Variants in BMPR1A observed in about 807,000 individuals in gnomAD.
BMPR1A encodes the protein bone morphogenetic protein receptor type 1A.
A neutral mutation model predicts 66.0 loss-of-function variants in BMPR1A; 7 were observed. The ratio of observed to expected loss-of-function variants is 0.11; its 90% CI spans 0.06 to 0.20. The LOEUF (loss-of-function observed/expected upper bound fraction) is 0.20, where lower values mean the gene tolerates loss of function less well. BMPR1A is among the 10% of genes least tolerant of loss of function. The pLI, the probability that BMPR1A is intolerant of heterozygous loss-of-function variation, is 1.00. For synonymous variants in BMPR1A, 200 were observed against 229.7 expected (o/e 0.87, Z 1.17); for missense variants, 408 against 669.1 (o/e 0.61, Z 4.31).
intron 1 of BMPR1A, among the ~76,000 whole-genome samples, chr10:86,836,949 A>G (rs1259025502): frequency 6.6e-6 from 1 of 152,152 alleles, no homozygotes; most frequent in Non-Finnish European, 1.5e-5. Context: ...GAAAAAGAAG[A>G]AAAGGTTTTC....
intron 2 of BMPR1A, chr10:86,856,143 C>T: frequency 1.9e-6 from 1 of 524,950 alleles, no homozygotes; most frequent in South Asian, 1.4e-5. Flanking sequence ...ATATTTAATT[C>T]CCAGCTTCTT....
intron 3 of BMPR1A, among the ~76,000 whole-genome samples, chr10:86,883,702 A>G (rs915365487): frequency 6.6e-6 from 1 of 151,700 alleles, no homozygotes; most frequent in Admixed American, 6.6e-5. Context: ...CCCAGGAGGC[A>G]GAGGTTGCAG....
chr10:86,896,102 C>T (rs946823137), intron 5 of BMPR1A, among the ~76,000 whole-genome samples: 5 of 150,406 alleles, frequency 3.3e-5, no homozygotes, highest in African/African-American at 4.9e-5. Context: ...TGCAGTGAGC[C>T]GAGATAGCAC....
At chr10:86,905,491 C>G (rs1387938134) in intron 7 of BMPR1A, among the ~76,000 whole-genome samples, 1 of 152,178 alleles carries the variant, frequency 6.6e-6, no homozygotes, top group Non-Finnish European at 1.5e-5. Context: ...ATTACTTAAC[C>G]ATTAATATTG....
At position 86,884,394 on chromosome 10, in the gene BMPR1A, A is replaced by ATTTTTTTT. The variant is rs759424209; in HGVS notation, c.68-5638_68-5631dup. Among the ~76,000 whole-genome samples the ATTTTTTTT allele has an allele frequency of 2.7e-3, 134 of 49,346 alleles. 35 individuals are homozygous for ATTTTTTTT. The highest frequency in any genetic ancestry group is 4.7e-3 in the Non-Finnish European group (104 of 22,330). The allele number at this position is 49,346 out of a possible 152,430, so 32.4% of individuals were successfully genotyped here. ...AGCCACCATGCCTGGCAAACACATG[A>ATTTTTTTT]TTTTTTTTTTTTTTTTTTTTTTTTT... is the stretch of plus-strand genomic sequence containing the variant. On this transcript the variant is annotated intron_variant, in intron 3 of 12. Coordinates refer to ENST00000372037, the MANE Select transcript of BMPR1A (RefSeq NM_004329.3).
chr10:86,904,406 C>T (rs1843355936), intron 7 of BMPR1A, among the ~76,000 whole-genome samples: 1 of 152,200 alleles, frequency 6.6e-6, no homozygotes, highest in Non-Finnish European at 1.5e-5. Context: ...AGCAGACCTT[C>T]TGTTGGAAAC....
rs749440726 is a variant in BMPR1A at position 86,875,973 on chromosome 10, C to A, written c.-46C>A. 1 of 1,475,434 alleles carries A rather than the reference C, an allele frequency of 6.8e-7. No individual in the cohort carries two copies. Among genetic ancestry groups the A allele is most frequent in the South Asian group, 1.1e-5 (1 of 88,218 alleles). 91.4% of individuals were successfully genotyped at this position (1,475,434 alleles called of 1,614,324 possible). A position where few individuals can be genotyped will look rare whatever the true frequency, so the allele number is the denominator to read the frequency against. On this transcript the variant is annotated 5_prime_UTR_variant, in exon 3 of 13. Coordinates refer to ENST00000372037, the MANE Select transcript of BMPR1A (RefSeq NM_004329.3). ...CATTTAAATTGGTGAAGTAGCAAGA[C>A]CAATTATTAAAGGTGACAGTACACA...
At position 86,851,644 on chromosome 10, in the gene BMPR1A, C is replaced by T. The variant is rs186872297; in HGVS notation, c.-153+12665C>T. Among the ~76,000 whole-genome samples the T allele has an allele frequency of 1.4e-3, 208 of 152,276 alleles. 1 individual carries two copies. The highest frequency in any genetic ancestry group is 5.4e-3 in the South Asian group (26 of 4,822). Reference sequence around the variant, plus strand: ...AGGATTGCATACACAAGGGAACTCGCAGATCAAGTCCTGAAGAGAACATTG... The same window carrying T: ...AGGATTGCATACACAAGGGAACTCGTAGATCAAGTCCTGAAGAGAACATTG... On this transcript the variant is annotated intron_variant, in intron 2 of 12. Coordinates refer to ENST00000372037, the MANE Select transcript of BMPR1A (RefSeq NM_004329.3).
chr10:86,816,400 A>C (rs571045774), intron 1 of BMPR1A, among the ~76,000 whole-genome samples: 1 of 152,286 alleles, frequency 6.6e-6, no homozygotes, highest in East Asian at 1.9e-4. Flanking sequence ...TTGTGGCATT[A>C]TCCGCAGCAC....
chr10:86,806,850 AG>A (rs1316108016), intron 1 of BMPR1A, among the ~76,000 whole-genome samples: 1 of 152,042 alleles, frequency 6.6e-6, no homozygotes. Flanking sequence ...GTACCTGACC[AG>A]CCCTTATGTT....
intron 9 of BMPR1A, among the ~76,000 whole-genome samples, chr10:86,917,656 T>TC (rs555859690): frequency 3.9e-4 from 59 of 152,340 alleles, no homozygotes; most frequent in African/African-American, 1.4e-3. Context: ...CTTTTCCCTT[T>TC]CATAAGCTCA....
intron 1 of BMPR1A, among the ~76,000 whole-genome samples, chr10:86,825,356 G>T (rs1842179617): frequency 6.6e-6 from 1 of 152,112 alleles, no homozygotes; most frequent in Admixed American, 6.6e-5. Context: ...TAGTATAATT[G>T]AATTGCCAAA....
intron 1 of BMPR1A, among the ~76,000 whole-genome samples, chr10:86,782,813 C>G (rs1484764614): frequency 6.6e-6 from 1 of 151,996 alleles, no homozygotes; most frequent in African/African-American, 2.4e-5. Flanking sequence ...TGCCTTTTCA[C>G]TCTTCCTTGG....
At chr10:86,831,704 C>T (rs568529694) in intron 1 of BMPR1A, among the ~76,000 whole-genome samples, 1 of 152,234 alleles carries the variant, frequency 6.6e-6, no homozygotes, top group South Asian at 2.1e-4. Flanking sequence ...GTGGAGGCTA[C>T]AGGGAATTAG....
chr10:86,795,382 A>G (rs112951368), intron 1 of BMPR1A, among the ~76,000 whole-genome samples: 2,849 of 150,602 alleles, frequency 0.019, 59 homozygotes, highest in Non-Finnish European at 0.031. Flanking sequence ...AAATATCACT[A>G]TGTTAAGCAA....
chr10:86,856,420 T>A (rs1311481640), intron 2 of BMPR1A, among the ~76,000 whole-genome samples: 1 of 152,210 alleles, frequency 6.6e-6, no homozygotes, highest in Non-Finnish European at 1.5e-5. Flanking sequence ...TGGCCCACGT[T>A]ATCTTAAGGG....
intron 2 of BMPR1A, among the ~76,000 whole-genome samples, chr10:86,858,414 A>G (rs1842673418): frequency 1.3e-5 from 2 of 152,196 alleles, no homozygotes; most frequent in East Asian, 1.9e-4. Flanking sequence ...TGGAATTGCA[A>G]AATGATATAG....
rs984614838 is a variant in BMPR1A at position 86,904,938 on chromosome 10, A to G, written c.530+4812A>G. Reference sequence around the variant, plus strand: ...TGTGAAGATTCATTATTGATCAGATATATACAATCTGTAATTTGGAATATT... The same window carrying G: ...TGTGAAGATTCATTATTGATCAGATGTATACAATCTGTAATTTGGAATATT... On this transcript the variant is annotated intron_variant, in intron 7 of 12. Coordinates refer to ENST00000372037, the MANE Select transcript of BMPR1A (RefSeq NM_004329.3). Among the ~76,000 whole-genome samples, 4 of 152,348 alleles carry G rather than the reference A, an allele frequency of 2.6e-5. No homozygotes were observed. The South Asian group carries it at 8.3e-4, about 32-fold the overall frequency.
chr10:86,892,257 CAAA>C (rs1843162457), intron 5 of BMPR1A, 28 bp downstream of exon 5: 1 of 1,567,974 alleles, frequency 6.4e-7, no homozygotes, highest in African/African-American at 1.4e-5. Context: ...ACCCATGAGA[CAAA>C]GAAGGGAGGG....
Sources: gnomAD v4.1 joint callset for allele counts (sites outside exome capture counted in the v4.1 genomes callset) on GRCh38, gnomAD v4.1.1 for gene constraint, MANE v1.5 for transcripts, NCBI Gene and HGNC (gene_info 2026-07-23, HGNC 2026-07-21) for gene names.